Variants in DACH1 observed in about 807,000 individuals in gnomAD.
DACH1 encodes dachshund homolog 1.
Under a neutral mutation model 54.2 loss-of-function variants are expected in DACH1, and 12 were observed. That is an observed-to-expected ratio of 0.22 (90% CI 0.14 to 0.36). The LOEUF (loss-of-function observed/expected upper bound fraction) is 0.36, where lower values mean the gene tolerates loss of function less well. DACH1 is among the 10% of genes least tolerant of loss of function. DACH1 has a pLI of 1.00. For missense variants in DACH1, 805 were observed against 929.8 expected (o/e 0.87, Z 1.75); for synonymous variants, 386 against 366.2 (o/e 1.05, Z -0.62).
chr13:71,484,598 C>G (rs1015401195), intron 7 of DACH1, among the ~76,000 whole-genome samples: 1 of 152,174 alleles, frequency 6.6e-6, no homozygotes, highest in Non-Finnish European at 1.5e-5. Context: ...TCAATGCTAA[C>G]CTCACTCCTA....
intron 1 of DACH1, among the ~76,000 whole-genome samples, chr13:71,783,981 C>A (rs857323): frequency 0.068 from 6,970 of 101,986 alleles, 316 homozygotes; most frequent in African/African-American, 0.18. Context: ...AAAAAAAAAA[C>A]AAAAAAAAAA....
At chr13:71,451,086 G>GT (rs1165259087) in intron 10 of DACH1, among the ~76,000 whole-genome samples, 1 of 152,048 alleles carries the variant, frequency 6.6e-6, no homozygotes, top group Admixed American at 6.6e-5. Context: ...ACTATCTATT[G>GT]TTTGTCTATG....
At chr13:71,575,774 A>G (rs1036233866) in intron 3 of DACH1, among the ~76,000 whole-genome samples, 1 of 152,086 alleles carries the variant, frequency 6.6e-6, no homozygotes, top group Non-Finnish European at 1.5e-5. Flanking sequence ...GCTTCTAGCC[A>G]TCTCCGCCAA....
chr13:71,764,963 G>A (rs1885559754), intron 1 of DACH1, among the ~76,000 whole-genome samples: 1 of 152,066 alleles, frequency 6.6e-6, no homozygotes, highest in Non-Finnish European at 1.5e-5. Context: ...CCTAAAAGTA[G>A]ATATTACTCA....
chr13:71,749,103 G>T (rs1336236887), intron 1 of DACH1, among the ~76,000 whole-genome samples: 1 of 151,806 alleles, frequency 6.6e-6, no homozygotes, highest in South Asian at 2.1e-4. Context: ...TTGGGCCTTA[G>T]CCTCCTGAGT....
intron 1 of DACH1, among the ~76,000 whole-genome samples, chr13:71,775,214 G>A (rs544919397): frequency 7.0e-6 from 1 of 142,914 alleles, no homozygotes; most frequent in East Asian, 2.4e-4. Context: ...GAGGCAGGAG[G>A]ATTATTTAAG....
intron 4 of DACH1, 59 bp from the exon 5 acceptor site, chr13:71,560,014 C>T: frequency 7.0e-7 from 1 of 1,418,492 alleles, no homozygotes; most frequent in Non-Finnish European, 9.2e-7. Context: ...CGGATCTTTA[C>T]TTAATGAATG....
chr13:71,837,804 C>A (rs1393584445), intron 1 of DACH1, among the ~76,000 whole-genome samples: 1 of 148,386 alleles, frequency 6.7e-6, no homozygotes, highest in Non-Finnish European at 1.5e-5. Context: ...CACATATACA[C>A]CATGGAATAC....
chr13:71,642,753 G>A (rs757340091), intron 2 of DACH1, among the ~76,000 whole-genome samples: 24 of 152,152 alleles, frequency 1.6e-4, no homozygotes, highest in Non-Finnish European at 2.9e-4. Flanking sequence ...GGGCGCAGTG[G>A]CTCATGGCTG....
At chr13:71,445,317 A>G (rs1005608041) in intron 10 of DACH1, among the ~76,000 whole-genome samples, 1 of 152,228 alleles carries the variant, frequency 6.6e-6, no homozygotes, top group Non-Finnish European at 1.5e-5. Context: ...ACCAGTAATA[A>G]GTATTTCATA....
intron 1 of DACH1, among the ~76,000 whole-genome samples, chr13:71,771,374 C>A (rs1164522649): frequency 6.6e-6 from 1 of 150,772 alleles, no homozygotes; most frequent in Non-Finnish European, 1.5e-5. Context: ...CCAGAATGAC[C>A]AAATGACAGA....
At chr13:71,829,371 A>G (rs547665283) in intron 1 of DACH1, among the ~76,000 whole-genome samples, 1 of 152,106 alleles carries the variant, frequency 6.6e-6, no homozygotes, top group East Asian at 1.9e-4. Context: ...CTTAATTTTC[A>G]AACACAATTA....
chr13:71,539,873 GA>G (rs2138327446), intron 6 of DACH1, among the ~76,000 whole-genome samples: 1 of 152,068 alleles, frequency 6.6e-6, no homozygotes, highest in East Asian at 1.9e-4. Context: ...GGTCATGAAA[GA>G]ACTGGTTGTA....
At chr13:71,789,878 C>G (rs80012553) in intron 1 of DACH1, among the ~76,000 whole-genome samples, 2,444 of 152,228 alleles carry the variant, frequency 0.016, 71 homozygotes, top group African/African-American at 0.054. Flanking sequence ...ATGTGTTTCT[C>G]AGGGTCTGTG....
At chr13:71,495,497 G>T (rs1208529041) in intron 6 of DACH1, among the ~76,000 whole-genome samples, 3 of 151,942 alleles carry the variant, frequency 2.0e-5, no homozygotes, top group Non-Finnish European at 4.4e-5. Flanking sequence ...ATAGATTAAG[G>T]GTTGGTGCCT....
In DACH1 at chr13:71,731,716, T is replaced by C. The variant is rs567926944; in HGVS notation, c.849-49806A>G. 7.2e-5 allele frequency among the ~76,000 whole-genome samples: 11 copies of C among 152,306 alleles called. 1 individual carries two copies. The South Asian group carries it at 2.3e-3, about 32-fold the overall frequency. ...TGCTTGAGGTTAAAATATTGTGAAG[T>C]TTTGAGAATGGATGCTCAATCCAAC... On this transcript the variant is annotated intron_variant, in intron 1 of 10. Coordinates refer to ENST00000613252, the MANE Select transcript of DACH1 (RefSeq NM_080759.6).
intron 2 of DACH1, among the ~76,000 whole-genome samples, chr13:71,680,083 A>T (rs996941855): frequency 2.0e-5 from 3 of 152,250 alleles, no homozygotes; most frequent in African/African-American, 7.2e-5. Flanking sequence ...GCAAGGATTA[A>T]CAACGTACTA....
At chr13:71,495,709 G>A (rs570532257) in intron 6 of DACH1, among the ~76,000 whole-genome samples, 1 of 152,132 alleles carries the variant, frequency 6.6e-6, no homozygotes, top group African/African-American at 2.4e-5. Flanking sequence ...ACATTATGGT[G>A]AGAATGTAAA....
At chr13:71,640,434 A>G (rs2138594967) in intron 2 of DACH1, among the ~76,000 whole-genome samples, 1 of 152,184 alleles carries the variant, frequency 6.6e-6, no homozygotes, top group East Asian at 1.9e-4. Flanking sequence ...TTTGTGCCTG[A>G]ATCCTATGTA....
Sources: gnomAD v4.1 joint callset for allele counts (sites outside exome capture counted in the v4.1 genomes callset) on GRCh38, gnomAD v4.1.1 for gene constraint, MANE v1.5 for transcripts, NCBI Gene and HGNC (gene_info 2026-07-23, HGNC 2026-07-21) for gene names.